The following ASIC4 variants were observed in gnomAD, a reference collection of about 807,000 sequenced individuals.
The protein encoded by ASIC4 is acid-sensing ion channel 4.
A neutral mutation model predicts 53.4 loss-of-function variants in ASIC4; 28 were observed. That is an observed-to-expected ratio of 0.52 (90% CI 0.39 to 0.72). The LOEUF is 0.72. Ranked by LOEUF, ASIC4 falls within the 30% of genes least tolerant of loss-of-function variation. The pLI is 0.00. For missense variants in ASIC4, 649 were observed against 729.7 expected (o/e 0.89, Z 1.27); for synonymous variants, 289 against 301.4 (o/e 0.96, Z 0.43).
chr2:219,513,758 T>C (rs1238308714), upstream of ASIC4, among the ~76,000 whole-genome samples: 1 of 152,184 alleles, frequency 6.6e-6, no homozygotes, highest in Non-Finnish European at 1.5e-5. Context: ...GTCCCAGACA[T>C]ATGAATGACT....
In ASIC4 at chr2:219,518,718, TA is replaced by T. The variant is rs1694837545; in HGVS notation, c.582+3416del. ...GCCTGCTCTCAGCCTGCCCTCTTAC[TA>T]AAAGGCAGAAATCACTCTTTCTCCC... On this transcript the variant is annotated intron_variant, in intron 1 of 9. Transcript: ENST00000358078. The surrounding 1 kb of genome is among the most constrained non-coding windows in gnomAD (Gnocchi z 4.8). 6.6e-6 allele frequency among the ~76,000 whole-genome samples: 1 copy of T among 152,032 alleles called. No homozygotes were observed.
chr2:219,511,895 C>T (rs962992192), upstream of ASIC4, among the ~76,000 whole-genome samples: 140 of 138,244 alleles, frequency 1.0e-3, 1 homozygote, highest in Non-Finnish European at 2.6e-4. The surrounding 1 kb of genome is among the most constrained non-coding windows in gnomAD (Gnocchi z 5.3). Context: ...GGCAGGGAAG[C>T]GGGGAGAGGG....
chr2:219,520,366 C>T (rs1246223926), intron 1 of ASIC4, among the ~76,000 whole-genome samples: 1 of 151,842 alleles, frequency 6.6e-6, no homozygotes, highest in South Asian at 2.1e-4. Flanking sequence ...CATGCAAGCC[C>T]TCTCTCTCTC....
At chr2:219,519,531 A>T (rs1433995644) in intron 1 of ASIC4, among the ~76,000 whole-genome samples, 4 of 152,196 alleles carry the variant, frequency 2.6e-5, no homozygotes, top group African/African-American at 7.2e-5. Context: ...GAGTGCGCAC[A>T]CACTGTCTAG....
At chr2:219,521,930 G>C (rs1694890969) in intron 1 of ASIC4, among the ~76,000 whole-genome samples, 1 of 152,174 alleles carries the variant, frequency 6.6e-6, no homozygotes, top group Non-Finnish European at 1.5e-5. Context: ...TCTTCAGAAG[G>C]ATGAGTGAGG....
At chr2:219,522,858 C>G (rs192588063) in intron 1 of ASIC4, among the ~76,000 whole-genome samples, 2,712 of 152,174 alleles carry the variant, frequency 0.018, 90 homozygotes, top group African/African-American at 0.061. Context: ...GAGGCAGACC[C>G]AGGGAGGAGA....
chr2:219,510,367 C>T (rs1174932973), upstream of ASIC4, among the ~76,000 whole-genome samples: 1 of 152,192 alleles, frequency 6.6e-6, no homozygotes, highest in Non-Finnish European at 1.5e-5. This position sits in a 1 kb window ranked among gnomAD's most constrained non-coding sequence, Gnocchi z 5.2. Flanking sequence ...GCCAGCCTGT[C>T]TCTGCCACTC....
chr2:219,508,882 G>C, the ASIC4 span, among the ~76,000 whole-genome samples: 3 of 132,216 alleles, frequency 2.3e-5, no homozygotes, highest in Non-Finnish European at 3.1e-5. Context: ...TCCATAAAAA[G>C]ATTATTCTGT....
At position 219,529,829 on chromosome 2, in the gene ASIC4, C is replaced by T. The variant is rs531816251; in HGVS notation, c.583-1929C>T. On this transcript the variant is annotated intron_variant, in intron 1 of 9. Transcript: ENST00000358078. ...GGTGCACACGTTTTTGTTTCGGGAA[C>T]GGGAGGCAGGGTGGTTGGGTGGTAG... is the stretch of plus-strand genomic sequence containing the variant. Among the ~76,000 whole-genome samples, 7 of 152,112 alleles carry T rather than the reference C, an allele frequency of 4.6e-5. No individual in the cohort carries two copies. The South Asian group carries it at 8.3e-4, about 18-fold the overall frequency.
At chr2:219,534,397 A>G (rs1387886797) in intron 5 of ASIC4, among the ~76,000 whole-genome samples, 1 of 152,272 alleles carries the variant, frequency 6.6e-6, no homozygotes, top group Non-Finnish European at 1.5e-5. Context: ...CCAGGCCTGC[A>G]GGAGGAGAGA....
In ASIC4 at chr2:219,518,918, T is replaced by A. The variant is rs1474887670; in HGVS notation, c.582+3612T>A. ...TTTGTGTATTCTTTTTTTTGTTTGT[T>A]TTTTTGAGACAGAGTCTCGTTGTTG... On this transcript the variant is annotated intron_variant, in intron 1 of 9. Transcript: ENST00000358078. This position sits in a 1 kb window ranked among gnomAD's most constrained non-coding sequence, Gnocchi z 4.8. Among the ~76,000 whole-genome samples, 2 of 152,174 alleles carry A rather than the reference T, an allele frequency of 1.3e-5. No homozygotes were observed. The highest frequency in any genetic ancestry group is 4.8e-5 in the African/African-American group (2 of 41,428).
chr2:219,514,419 G>A (rs1284217476), upstream of ASIC4: 3 of 1,548,918 alleles, frequency 1.9e-6, no homozygotes, highest in East Asian at 4.9e-5. Flanking sequence ...CTCGCTCGCA[G>A]GGACACACGC....
Position 219,537,941 on chromosome 2 carries a change from C to CCCG in ASIC4, c.1516_1518dup (p.Pro506dup). The CCCG allele has an allele frequency of 6.2e-7, 1 of 1,607,948 alleles. No homozygotes were observed. Among genetic ancestry groups the CCCG allele is most frequent in the Non-Finnish European group, 8.5e-7 (1 of 1,177,104 alleles). On this transcript the variant is annotated inframe_insertion, in exon 10 of 10. Transcript: ENST00000358078. This position sits in a 1 kb window ranked among gnomAD's most constrained non-coding sequence, Gnocchi z 4.9. ...TTTTCTTTCTCCTGCAGAGTCCCTGCCCGAGCCGGGGCCGAGTGGAGGGTG... is the reference window on the plus strand; with the variant it reads ...TTTTCTTTCTCCTGCAGAGTCCCTGCCCGCCGAGCCGGGGCCGAGTGGAGGGTG...
rs547590551 is a variant in ASIC4 at position 219,537,544 on chromosome 2, C to A, written c.1402-88C>A. 8.1e-7 allele frequency: 1 copy of A among 1,234,014 alleles called. No individual in the cohort carries two copies. The highest frequency in any genetic ancestry group is 1.4e-5 in the South Asian group (1 of 70,314). 76.4% of individuals were successfully genotyped at this position (1,234,014 alleles called of 1,614,324 possible). A position where few individuals can be genotyped will look rare whatever the true frequency, so the allele number is the denominator to read the frequency against. On this transcript the variant is annotated intron_variant, in intron 8 of 9. Transcript: ENST00000358078. The surrounding 1 kb of genome is among the most constrained non-coding windows in gnomAD (Gnocchi z 4.9). ...CTGGGAGTTTGCTGTGGCAGTAAGT[C>A]CTGTGGGCAGCTGGGCATGGTAAGG...
chr2:219,512,724 G>A (rs980629992), upstream of ASIC4, among the ~76,000 whole-genome samples: 2 of 152,226 alleles, frequency 1.3e-5, no homozygotes, highest in African/African-American at 4.8e-5. Context: ...CCAGCCAGAT[G>A]CATCACCCTG....
At chr2:219,528,095 G>A (rs1244657036) in intron 1 of ASIC4, among the ~76,000 whole-genome samples, 2 of 152,286 alleles carry the variant, frequency 1.3e-5, no homozygotes, top group Admixed American at 1.3e-4. Context: ...AAAACTGGCT[G>A]TGTCAGCAAG....
chr2:219,530,147 GCGCCGA>G (rs1407465769), intron 1 of ASIC4, among the ~76,000 whole-genome samples: 1 of 152,188 alleles, frequency 6.6e-6, no homozygotes, highest in Non-Finnish European at 1.5e-5. Context: ...GTGATTGAGT[GCGCCGA>G]CCCCTTGCCC....
chr2:219,512,271 G>A (rs538884169), upstream of ASIC4, among the ~76,000 whole-genome samples: 3 of 152,308 alleles, frequency 2.0e-5, no homozygotes, highest in East Asian at 3.9e-4. Flanking sequence ...GAAAGAGGAT[G>A]TGATTTGTCT....
In ASIC4 at chr2:219,536,373, C is replaced by T. The variant is rs573931749; in HGVS notation, c.1230-693C>T. On this transcript the variant is annotated intron_variant, in intron 6 of 9. Transcript: ENST00000358078. This position sits in a 1 kb window ranked among gnomAD's most constrained non-coding sequence, Gnocchi z 4.6. Reference sequence around the variant, plus strand: ...CTCCAGCCAGTCTACACTTGTGGAGCGTGGTCTGGGTGCCAGGCTCAGTGC... The same window carrying T: ...CTCCAGCCAGTCTACACTTGTGGAGTGTGGTCTGGGTGCCAGGCTCAGTGC... Among the ~76,000 whole-genome samples the T allele has an allele frequency of 6.6e-5, 10 of 152,302 alleles. 1 individual carries two copies. Among genetic ancestry groups the T allele is most frequent in the Admixed American group, 5.2e-4 (8 of 15,296 alleles).
Sources: allele counts gnomAD v4.1 joint callset (sites outside exome capture counted in the v4.1 genomes callset), GRCh38; gene constraint gnomAD v4.1.1; non-coding constraint Gnocchi (gnomAD v3.1); transcripts MANE v1.5; gene names NCBI Gene and HGNC (gene_info 2026-07-23, HGNC 2026-07-21).